ZC3H15: variants seen among roughly 807,000 people sequenced by gnomAD.
The protein encoded by ZC3H15 is zinc finger CCCH-type containing 15.
In ZC3H15, 15 loss-of-function variants were observed where a neutral mutation model predicts 51.2. That is an observed-to-expected ratio of 0.29 (90% confidence interval 0.20 to 0.45). The LOEUF (loss-of-function observed/expected upper bound fraction) is 0.45, where lower values mean the gene tolerates loss of function less well. Ranked by LOEUF, ZC3H15 falls within the 20% of genes least tolerant of loss-of-function variation. The probability of loss-of-function intolerance (pLI) is 1.00; values close to 1 mark genes in which losing one functional copy is unlikely to be tolerated. For synonymous variants in ZC3H15, 144 were observed against 162.8 expected (o/e 0.88, Z 0.88); for missense variants, 381 against 494.7 (o/e 0.77, Z 2.18).
intron 2 of ZC3H15, among the ~76,000 whole-genome samples, chr2:186,497,546 T>G (rs889954287): frequency 3.3e-5 from 5 of 152,178 alleles, no homozygotes. Flanking sequence ...GCAACCCTGG[T>G]CTTTATCTGT....
intron 2 of ZC3H15, chr2:186,499,667 G>A (rs1685344709): frequency 2.3e-6 from 1 of 438,404 alleles, no homozygotes; most frequent in Admixed American, 2.6e-5. Flanking sequence ...TATTAGGTAT[G>A]TAAATCGTGT....
intron 9 of ZC3H15, 108 bp from the exon 10 acceptor site, chr2:186,508,435 T>C: frequency 1.0e-6 from 1 of 978,276 alleles, no homozygotes; most frequent in Non-Finnish European, 1.5e-6. Flanking sequence ...ATGGCTTTCA[T>C]GGAGAAAAGG....
Position 186,505,529 on chromosome 2 carries a change from A to G in ZC3H15, c.796A>G (p.Lys266Glu), listed in dbSNP as rs1276629501. The G allele has an allele frequency of 1.2e-6, 2 of 1,605,990 alleles. No individual in the cohort carries two copies. The highest frequency in any genetic ancestry group is 2.2e-5 in the South Asian group (2 of 89,284). The stretch of plus-strand genomic sequence containing the variant: ...CTGGAAGAAAAGGAAAAGACAAGAA[A>G]AGATTGATAAACTTGAACAAGATAT... ...LAWKKRKRQE[K>E]IDKLEQDMER... The change falls in exon 7 of 10, where the codon AAG becomes GAG. Residue 266 changes from lysine (K) to glutamate (E), a missense_variant. Physicochemically the swap from Lys to Glu is moderately conservative, Grantham distance 56. Coordinates refer to ENST00000337859, the MANE Select transcript of ZC3H15 (RefSeq NM_018471.3).
chr2:186,505,946 G>C (rs11690758), intron 8 of ZC3H15, 105 bp downstream of exon 8: 329,697 of 1,185,222 alleles, frequency 0.28, 48,500 homozygotes, highest in Non-Finnish European at 0.3. Flanking sequence ...ACAGTGCCTG[G>C]GTTCAAATCC....
chr2:186,487,046 G>A (rs1685107882), intron 1 of ZC3H15: 1 of 152,274 alleles, frequency 6.6e-6, no homozygotes, highest in African/African-American at 2.4e-5. Context: ...TTCTGAAGTG[G>A]ATTAAATAGG....
At chr2:186,493,785 C>T (rs547037184) in intron 1 of ZC3H15, among the ~76,000 whole-genome samples, 18 of 151,382 alleles carry the variant, frequency 1.2e-4, no homozygotes, top group Admixed American at 3.3e-4. Flanking sequence ...GCTTATATAG[C>T]AGTGTCACTC....
At chr2:186,501,553 T>G (rs935223442) in intron 4 of ZC3H15, 128 bp downstream of exon 4, 72 of 770,206 alleles carry the variant, frequency 9.3e-5, no homozygotes, top group Non-Finnish European at 1.3e-4. Flanking sequence ...TTAATTGGGT[T>G]TATTATTTTT....
At chr2:186,507,843 G>T (rs1375522555) in intron 9 of ZC3H15, among the ~76,000 whole-genome samples, 1 of 152,150 alleles carries the variant, frequency 6.6e-6, no homozygotes, top group Non-Finnish European at 1.5e-5. Context: ...AGAAGTAGGG[G>T]CTTTGGTGAC....
chr2:186,499,060 C>T (rs1685334131), intron 2 of ZC3H15, among the ~76,000 whole-genome samples: 1 of 152,160 alleles, frequency 6.6e-6, no homozygotes, highest in Non-Finnish European at 1.5e-5. Flanking sequence ...ACGGCACTAA[C>T]CATATACATG....
At chr2:186,507,734 C>T (rs2105595474) in intron 9 of ZC3H15, among the ~76,000 whole-genome samples, 1 of 152,282 alleles carries the variant, frequency 6.6e-6, no homozygotes, top group African/African-American at 2.4e-5. Flanking sequence ...ACAATAAAAG[C>T]ACACAAGCTG....
intron 2 of ZC3H15, 38 bp from the exon 3 acceptor site, chr2:186,500,144 A>G (rs1430830295): frequency 6.4e-7 from 1 of 1,556,922 alleles, no homozygotes; most frequent in East Asian, 2.3e-5. Flanking sequence ...AATTTTGTAA[A>G]CAATCAAATT....
intron 5 of ZC3H15, 34 bp downstream of exon 5, chr2:186,502,621 A>C: frequency 1.3e-6 from 2 of 1,528,732 alleles, no homozygotes; most frequent in African/African-American, 2.7e-5. Flanking sequence ...TTGCTGTGAT[A>C]TTTATCATTA....
intron 1 of ZC3H15, among the ~76,000 whole-genome samples, chr2:186,493,004 A>G (rs1215201759): frequency 6.6e-6 from 1 of 152,124 alleles, no homozygotes; most frequent in Non-Finnish European, 1.5e-5. Flanking sequence ...TCAGCATATG[A>G]AGATTGGCAG....
intron 1 of ZC3H15, among the ~76,000 whole-genome samples, chr2:186,487,992 A>T (rs889379009): frequency 2.6e-5 from 4 of 152,300 alleles, no homozygotes; most frequent in Admixed American, 2.6e-4. Context: ...TCATCTTGTG[A>T]CGAAATTATT....
chr2:186,504,273 A>C, intron 6 of ZC3H15, 59 bp downstream of exon 6: 1 of 1,364,552 alleles, frequency 7.3e-7, no homozygotes, highest in East Asian at 2.7e-5. Flanking sequence ...GTGAAATTCT[A>C]ATACTTACCA....
At chr2:186,505,891 A>G (rs759153050) in intron 8 of ZC3H15, 50 bp downstream of exon 8, 4 of 1,574,332 alleles carry the variant, frequency 2.5e-6, no homozygotes, top group South Asian at 2.3e-5. Context: ...GAAAGAAACA[A>G]TAGAAAATAC....
chr2:186,495,193 C>A, intron 1 of ZC3H15, 40 bp from the exon 2 acceptor site: 3 of 1,235,596 alleles, frequency 2.4e-6, no homozygotes, highest in East Asian at 2.8e-5. Context: ...TATATGGTAA[C>A]ATAAATTGCT....
At chr2:186,499,695 A>G (rs1685345261) in intron 2 of ZC3H15, 1 of 411,118 alleles carries the variant, frequency 2.4e-6, no homozygotes, top group Admixed American at 3.0e-5. Flanking sequence ...ACTATGTTAT[A>G]TGTCATGTTT....
At chr2:186,488,017 A>T (rs559605127) in intron 1 of ZC3H15, among the ~76,000 whole-genome samples, 2 of 152,316 alleles carry the variant, frequency 1.3e-5, no homozygotes, top group Admixed American at 1.3e-4. Flanking sequence ...AGCTAAAGAG[A>T]AAGCAATTTT....
Sources: gnomAD v4.1 joint callset for allele counts (sites outside exome capture counted in the v4.1 genomes callset) on GRCh38, gnomAD v4.1.1 for gene constraint, MANE v1.5 for transcripts, NCBI Gene and HGNC (gene_info 2026-07-23, HGNC 2026-07-21) for gene names.